The following RBFOX1 variants were observed in gnomAD, a reference collection of about 807,000 sequenced individuals.
RBFOX1 encodes RNA binding protein fox-1 homolog 1.
A neutral mutation model predicts 57.7 loss-of-function variants in RBFOX1; 8 were observed. The observed-to-expected ratio is 0.14, with a 90% CI of 0.08 to 0.25. The LOEUF (loss-of-function observed/expected upper bound fraction) is 0.25, where lower values mean the gene tolerates loss of function less well. Among genes scored for constraint, RBFOX1 ranks in the 10% least tolerant of loss-of-function variants. RBFOX1 has a pLI of 1.00. For synonymous variants in RBFOX1, 326 were observed against 222.4 expected, an observed-to-expected ratio of 1.47 and a Z score of -4.15; for missense variants, 611 against 548.5, an observed-to-expected ratio of 1.11 and a Z score of -1.14.
chr16:7,669,612 G>A (rs2070708525), intron 13 of RBFOX1, among the ~76,000 whole-genome samples: 2 of 152,026 alleles, frequency 1.3e-5, no homozygotes, highest in South Asian at 4.1e-4. Context: ...CCTAAATTCT[G>A]TATAACAAGT....
intron 13 of RBFOX1, chr16:7,671,618 T>C (rs1469090844): frequency 3.7e-6 from 6 of 1,602,636 alleles, no homozygotes; most frequent in South Asian, 1.1e-5. Context: ...TCCCGACTGG[T>C]GGAGAAACTC....
At chr16:5,352,328 T>C (rs1157928762) in intron 1 of RBFOX1, among the ~76,000 whole-genome samples, 1 of 152,196 alleles carries the variant, frequency 6.6e-6, no homozygotes, top group Non-Finnish European at 1.5e-5. Context: ...ATTTAACCTA[T>C]AACCCAGCAA....
chr16:5,557,474 A>G (rs575958390), intron 2 of RBFOX1, among the ~76,000 whole-genome samples: 1 of 152,042 alleles, frequency 6.6e-6, no homozygotes, highest in African/African-American at 2.4e-5. Context: ...GATGCATAAT[A>G]TGACGAAACA....
intron 1 of RBFOX1, among the ~76,000 whole-genome samples, chr16:6,258,206 A>C (rs554057186): frequency 6.6e-6 from 1 of 152,172 alleles, no homozygotes; most frequent in Non-Finnish European, 1.5e-5. Flanking sequence ...CCAGCTGGCC[A>C]TTAAAGACAT....
At chr16:5,691,105 G>C (rs1968115) in intron 3 of RBFOX1, among the ~76,000 whole-genome samples, 1 of 152,098 alleles carries the variant, frequency 6.6e-6, no homozygotes, top group African/African-American at 2.4e-5. Context: ...CTGTCCAATA[G>C]GTCTAATTAT....
chr16:6,746,914 A>G (rs2073803606), intron 3 of RBFOX1, among the ~76,000 whole-genome samples: 2 of 152,032 alleles, frequency 1.3e-5, no homozygotes, highest in African/African-American at 4.8e-5. Context: ...TCTTCTCAGT[A>G]TTTTGGGAGA....
At chr16:6,641,167 G>A (rs922835444) in intron 2 of RBFOX1, among the ~76,000 whole-genome samples, 11 of 152,082 alleles carry the variant, frequency 7.2e-5, no homozygotes, top group African/African-American at 2.4e-4. Context: ...TAATTACCCC[G>A]TAATCTTGTA....
At chr16:7,133,692 T>C (rs2071136314) in intron 4 of RBFOX1, among the ~76,000 whole-genome samples, 2 of 152,166 alleles carry the variant, frequency 1.3e-5, no homozygotes, top group Admixed American at 1.3e-4. Flanking sequence ...ATTGTTTATT[T>C]AATAAGTGGT....
intron 4 of RBFOX1, among the ~76,000 whole-genome samples, chr16:7,063,226 G>C (rs1042614006): frequency 6.6e-6 from 1 of 151,962 alleles, no homozygotes; most frequent in African/African-American, 2.4e-5. Context: ...AGAGCAGGTA[G>C]GCACAGGAAG....
At position 5,314,953 on chromosome 16, in the gene RBFOX1, C is replaced by T. The variant is rs1020024781; in HGVS notation, c.219+74848C>T. 4.6e-5 allele frequency among the ~76,000 whole-genome samples: 7 copies of T among 151,320 alleles called. No homozygotes were observed. The East Asian group carries it at 1.4e-3, about 29-fold the overall frequency. Reference sequence around the variant, plus strand: ...TTTTTTAATGGAGGAAAGGAGCCCACAAAAGTGAAAGTGCCCGAGGACCAC... The same window carrying T: ...TTTTTTAATGGAGGAAAGGAGCCCATAAAAGTGAAAGTGCCCGAGGACCAC... On this transcript the variant is annotated intron_variant, in intron 1 of 2. Transcript: ENST00000585867.
intron 4 of RBFOX1, among the ~76,000 whole-genome samples, chr16:7,483,353 C>G (rs527240295): frequency 1.3e-5 from 2 of 152,262 alleles, no homozygotes; most frequent in African/African-American, 4.8e-5. Context: ...CTTACTGAAC[C>G]TGTGAATTGG....
At chr16:7,299,769 A>C (rs1356793173) in intron 4 of RBFOX1, among the ~76,000 whole-genome samples, 1 of 152,200 alleles carries the variant, frequency 6.6e-6, no homozygotes, top group African/African-American at 2.4e-5. Context: ...CAAACTTCTC[A>C]CCCCTATCCC....
At chr16:5,985,472 G>C (rs151313828) in intron 4 of RBFOX1, among the ~76,000 whole-genome samples, 1 of 152,118 alleles carries the variant, frequency 6.6e-6, no homozygotes, top group Admixed American at 6.5e-5. Context: ...GAGGAGTTAA[G>C]TGATGGGCCC....
At chr16:6,736,586 AT>A (rs1347321426) in intron 3 of RBFOX1, among the ~76,000 whole-genome samples, 1 of 152,152 alleles carries the variant, frequency 6.6e-6, no homozygotes, top group East Asian at 1.9e-4. Context: ...TGGTTCCACG[AT>A]TTTGCAGTTG....
intron 2 of RBFOX1, among the ~76,000 whole-genome samples, chr16:6,439,079 T>C (rs996722648): frequency 8.5e-5 from 13 of 152,142 alleles, no homozygotes; most frequent in Non-Finnish European, 1.5e-4. Flanking sequence ...CCTGTTTTTG[T>C]AGGACAACTC....
At position 6,545,416 on chromosome 16, in the gene RBFOX1, A is replaced by G. The variant is rs149420178; in HGVS notation, c.-63-109187A>G. Reference sequence around the variant, plus strand: ...CCCTCTCTCTCTTTCTCTCCAGGCCATCATTCTTAGGGCTTTCAACACCCT... The same window carrying G: ...CCCTCTCTCTCTTTCTCTCCAGGCCGTCATTCTTAGGGCTTTCAACACCCT... On this transcript the variant is annotated intron_variant, in intron 2 of 15. Coordinates refer to ENST00000550418, the MANE Select transcript of RBFOX1 (RefSeq NM_018723.4). Among the ~76,000 whole-genome samples the G allele has an allele frequency of 4.9e-3, 746 of 152,092 alleles. 6 individuals carry two copies. Among genetic ancestry groups the G allele is most frequent in the Non-Finnish European group, 8.4e-3 (572 of 67,984 alleles).
chr16:5,649,057 C>G (rs1056260742), intron 3 of RBFOX1, among the ~76,000 whole-genome samples: 11 of 150,910 alleles, frequency 7.3e-5, no homozygotes, highest in African/African-American at 2.7e-4. Context: ...GAATGAGACT[C>G]TGTATCAAAA....
intron 4 of RBFOX1, among the ~76,000 whole-genome samples, chr16:7,264,008 A>G (rs569568400): frequency 5.3e-5 from 8 of 152,090 alleles, no homozygotes; most frequent in African/African-American, 9.6e-5. Flanking sequence ...GTTTTGTTAC[A>G]TCTTCAGCCC....
In RBFOX1 at chr16:7,225,905, A is replaced by AAT. The variant is rs1555600461; in HGVS notation, c.27+173821_27+173822dup. ...GTACCCTAGAACTTAAAGTATAATA[A>AAT]ATATATATATATATAAATGTGAATG... On this transcript the variant is annotated intron_variant, in intron 4 of 15. Transcript: ENST00000550418. 1.4e-3 allele frequency among the ~76,000 whole-genome samples: 127 copies of AAT among 93,720 alleles called. 3 individuals are homozygous for AAT. Among genetic ancestry groups the AAT allele is most frequent in the Middle Eastern group, 5.5e-3 (1 of 182 alleles). 61.5% of individuals were successfully genotyped at this position (93,720 alleles called of 152,430 possible). A position where few individuals can be genotyped will look rare whatever the true frequency, so the allele number is the denominator to read the frequency against.
Sources: gnomAD v4.1 joint callset for allele counts (sites outside exome capture counted in the v4.1 genomes callset) on GRCh38, gnomAD v4.1.1 for gene constraint, MANE v1.5 for transcripts, NCBI Gene and HGNC (gene_info 2026-07-23, HGNC 2026-07-21) for gene names.